Variants in AFF2 observed in about 807,000 individuals in gnomAD.
AFF2 encodes ALF transcription elongation factor 2.
A neutral mutation model predicts 76.9 loss-of-function variants in AFF2; 14 were observed. The observed-to-expected ratio is 0.18, with a 90% CI of 0.12 to 0.28. The LOEUF (loss-of-function observed/expected upper bound fraction) is 0.28. Ranked by LOEUF, AFF2 falls within the 10% of genes least tolerant of loss-of-function variation. The probability of loss-of-function intolerance (pLI) is 1.00; values close to 1 mark genes in which losing one functional copy is unlikely to be tolerated. For synonymous variants in AFF2, 398 were observed against 366.7 expected (o/e 1.09, Z -0.98); for missense variants, 868 against 1,001.1 (o/e 0.87, Z 1.79).
intron 3 of AFF2, among the ~76,000 whole-genome samples, chrX:148,798,660 A>G (rs1329303362): frequency 2.7e-5 from 3 of 112,211 alleles, no homozygotes; most frequent in Non-Finnish European, 5.6e-5. Context: ...TTTATCCTAC[A>G]TACTTCCACA....
At chrX:148,506,413 T>C (rs1489862268) in intron 1 of AFF2, among the ~76,000 whole-genome samples, 2 of 111,915 alleles carry the variant, frequency 1.8e-5, no homozygotes, top group Admixed American at 1.9e-4. Flanking sequence ...GATTGGATTG[T>C]GTATATTGTA....
rs1557262216 is a variant in AFF2 at position 148,704,442 on chromosome X, A to ATATTTATATATGTG, written c.1041+41677_1041+41678insTTATATATGTGTAT. On this transcript the variant is annotated intron_variant, in intron 3 of 20. Coordinates refer to ENST00000370460, the MANE Select transcript of AFF2 (RefSeq NM_002025.4). ...TAGATATATATTTATATATGTGTAT[A>ATATTTATATATGTG]TATATATTTATATATGTGTATATAT... Among the ~76,000 whole-genome samples the ATATTTATATATGTG allele has an allele frequency of 3.5e-3, 74 of 21,172 alleles. 15 individuals carry two copies. Among genetic ancestry groups the ATATTTATATATGTG allele is most frequent in the African/African-American group, 0.015 (71 of 4,770 alleles). The allele number at this position is 21,172 out of a possible 115,157, so 18.4% of individuals were successfully genotyped here. A position where few individuals can be genotyped will look rare whatever the true frequency, so the allele number is the denominator to read the frequency against.
At chrX:148,916,623 C>T (rs1557282645) in intron 9 of AFF2, among the ~76,000 whole-genome samples, 3 of 112,074 alleles carry the variant, frequency 2.7e-5, no homozygotes, top group African/African-American at 3.2e-5. Flanking sequence ...TTTCTTCTTG[C>T]ACATAGTGAA....
intron 3 of AFF2, among the ~76,000 whole-genome samples, chrX:148,736,449 C>T (rs1191162823): frequency 9.0e-6 from 1 of 110,616 alleles, no homozygotes; most frequent in Non-Finnish European, 1.9e-5. Context: ...GTCCTTAGCC[C>T]ATTTTTTGAT....
At chrX:148,899,947 T>C (rs1275772046) in intron 8 of AFF2, among the ~76,000 whole-genome samples, 1 of 110,274 alleles carries the variant, frequency 9.1e-6, no homozygotes, top group Non-Finnish European at 1.9e-5. Context: ...ACATTTTCTA[T>C]AAATATATAT....
intron 5 of AFF2, among the ~76,000 whole-genome samples, chrX:148,839,894 G>GGTGTGTGTGTGTGTGTGTGTGT (rs200060298): frequency 3.7e-4 from 32 of 87,021 alleles, no homozygotes; most frequent in African/African-American, 1.3e-3. Flanking sequence ...GTTGGGGCAT[G>GGTGTGTGTGTGTGTGTGTGTGT]GTGTGTGTGT....
intron 1 of AFF2, among the ~76,000 whole-genome samples, chrX:148,534,524 C>T (rs1364335624): frequency 1.8e-5 from 2 of 112,624 alleles, no homozygotes; most frequent in Non-Finnish European, 3.7e-5. Context: ...CCATGTTGAG[C>T]TATGCAACCA....
intron 7 of AFF2, among the ~76,000 whole-genome samples, chrX:148,867,198 A>C (rs1302811710): frequency 8.0e-5 from 9 of 112,727 alleles, no homozygotes; most frequent in Admixed American, 6.5e-4. Flanking sequence ...ACATTGAGGC[A>C]AGATGGGGCC....
intron 1 of AFF2, among the ~76,000 whole-genome samples, chrX:148,513,948 G>A (rs1342276896): frequency 2.7e-5 from 3 of 111,167 alleles, no homozygotes; most frequent in Non-Finnish European, 5.7e-5. Context: ...TTTTAGTTAA[G>A]CTGTCCCACC....
At chrX:148,961,495 C>T (rs1211298731) in intron 12 of AFF2, among the ~76,000 whole-genome samples, 1 of 111,878 alleles carries the variant, frequency 8.9e-6, no homozygotes, top group African/African-American at 3.3e-5. Flanking sequence ...GAAACAGTTG[C>T]GTTTTTTCAG....
At chrX:148,690,021 A>C (rs188867778) in intron 3 of AFF2, among the ~76,000 whole-genome samples, 2 of 112,386 alleles carry the variant, frequency 1.8e-5, no homozygotes, top group African/African-American at 6.5e-5. Flanking sequence ...TTAAATATAA[A>C]ATTAAAATGT....
chrX:148,552,393 T>C (rs781933848), intron 1 of AFF2, among the ~76,000 whole-genome samples: 1 of 111,735 alleles, frequency 8.9e-6, no homozygotes, highest in Non-Finnish European at 1.9e-5. Context: ...TGTCCTCTAG[T>C]AGGCAGGGTC....
intron 3 of AFF2, among the ~76,000 whole-genome samples, chrX:148,676,359 A>G (rs1267554164): frequency 9.0e-6 from 1 of 111,716 alleles, no homozygotes; most frequent in East Asian, 2.8e-4. Context: ...GATTTTTTTA[A>G]ACTCTGAAAA....
At chrX:148,511,284 C>A (rs950421257) in intron 1 of AFF2, among the ~76,000 whole-genome samples, 7 of 111,132 alleles carry the variant, frequency 6.3e-5, no homozygotes, top group African/African-American at 9.8e-5. Flanking sequence ...TTGTTACCAT[C>A]CCTGAATTGT....
rs781975652 is a variant in AFF2 at position 148,920,826 on chromosome X, G to T, written c.1397+16568G>T. On this transcript the variant is annotated intron_variant, in intron 9 of 20. Transcript: ENST00000370460. ...GAAGCTTTTTGCCTATGGAATATCA[G>T]AATCAACTTTGAGACATGCTGGAAT... Among the ~76,000 whole-genome samples the T allele has an allele frequency of 9.0e-5, 10 of 111,421 alleles. No homozygotes were observed. In the East Asian group the frequency reaches 2.8e-3, roughly 31 times the overall value.
At chrX:148,611,202 G>A (rs1244701657) in intron 1 of AFF2, among the ~76,000 whole-genome samples, 2 of 111,632 alleles carry the variant, frequency 1.8e-5, no homozygotes, top group Non-Finnish European at 3.8e-5. Flanking sequence ...TGGCAGGTAG[G>A]GGAAGCCCTG....
intron 1 of AFF2, among the ~76,000 whole-genome samples, chrX:148,648,901 T>A (rs1557255967): frequency 8.9e-6 from 1 of 111,803 alleles, no homozygotes; most frequent in African/African-American, 3.3e-5. Context: ...AATCCTTGAG[T>A]TGAGATTTTT....
chrX:148,566,277 A>G (rs1283603082), intron 1 of AFF2, among the ~76,000 whole-genome samples: 2 of 111,421 alleles, frequency 1.8e-5, no homozygotes, highest in Non-Finnish European at 3.8e-5. Flanking sequence ...CTCTTTCCCT[A>G]TGTTTTTAAG....
intron 7 of AFF2, among the ~76,000 whole-genome samples, chrX:148,878,145 C>T (rs899852592): frequency 8.9e-6 from 1 of 111,779 alleles, no homozygotes; most frequent in Non-Finnish European, 1.9e-5. Flanking sequence ...GTACTAGAGA[C>T]ACTCTTCTGC....
Sources: allele counts gnomAD v4.1 joint callset (sites outside exome capture counted in the v4.1 genomes callset), GRCh38; gene constraint gnomAD v4.1.1; transcripts MANE v1.5; gene names NCBI Gene and HGNC (gene_info 2026-07-23, HGNC 2026-07-21).